RBBP4: variants seen among roughly 807,000 people sequenced by gnomAD.
RBBP4 encodes RB binding protein 4, chromatin remodeling factor.
Under a neutral mutation model 57.2 loss-of-function variants are expected in RBBP4, and 3 were observed. That is an observed-to-expected ratio of 0.05 (90% confidence interval 0.02 to 0.14). The LOEUF (loss-of-function observed/expected upper bound fraction) is 0.14. Ranked by LOEUF, RBBP4 falls within the 10% of genes least tolerant of loss-of-function variation. The probability of loss-of-function intolerance (pLI) is 1.00; values close to 1 mark genes in which losing one functional copy is unlikely to be tolerated. For synonymous variants in RBBP4, 151 were observed against 171.5 expected (o/e 0.88, Z 0.93); for missense variants, 107 against 520.6 (o/e 0.21, Z 7.73).
chr1:32,665,841 C>T (rs1170614476), intron 3 of RBBP4, among the ~76,000 whole-genome samples: 1 of 152,092 alleles, frequency 6.6e-6, no homozygotes, highest in Non-Finnish European at 1.5e-5. Context: ...GTGACAGAGC[C>T]ACTTAGGGGC....
Position 32,684,066 on chromosome 1 carries a change from A to G in RBBP4, c.*4361A>G, listed in dbSNP as rs769743641. 1.5e-5 allele frequency: 25 copies of G among 1,614,010 alleles called. No homozygotes were observed. Among genetic ancestry groups the G allele is most frequent in the Non-Finnish European group, 1.9e-5 (23 of 1,180,046 alleles). ...AGAAGTGGGAGCATCAGCCTGTTCC[A>G]GGCTCTTGGGTAGTAGCATAGCCCT... On this transcript the variant is annotated 3_prime_UTR_variant, in exon 12 of 12. Transcript: ENST00000373493.
intron 3 of RBBP4, among the ~76,000 whole-genome samples, chr1:32,663,259 A>G (rs1029603505): frequency 6.6e-6 from 1 of 152,150 alleles, no homozygotes; most frequent in Non-Finnish European, 1.5e-5. Context: ...TCATCAAGCT[A>G]CGACGATTTG....
At chr1:32,673,034 A>C in intron 11 of RBBP4, 133 bp downstream of exon 11, 3 of 727,628 alleles carry the variant, frequency 4.1e-6, no homozygotes, top group Non-Finnish European at 6.7e-6. Flanking sequence ...AGACTTGTCT[A>C]TACATTATCA....
chr1:32,684,457 A>G lies in RBBP4; in HGVS notation c.*4752A>G. 6.3e-7 allele frequency: 1 copy of G among 1,599,320 alleles called. No individual in the cohort carries two copies. Among genetic ancestry groups the G allele is most frequent in the Non-Finnish European group, 8.5e-7 (1 of 1,172,212 alleles). On this transcript the variant is annotated 3_prime_UTR_variant, in exon 12 of 12. Transcript: ENST00000373493. ...CACATTGTCCACTCTTACTTATAAAACACTTTTTTGTTCATTGTTTAATCT... is the reference window on the plus strand; with the variant it reads ...CACATTGTCCACTCTTACTTATAAAGCACTTTTTTGTTCATTGTTTAATCT...
At position 32,684,136 on chromosome 1, in the gene RBBP4, A is replaced by G; in HGVS notation, c.*4431A>G. On this transcript the variant is annotated 3_prime_UTR_variant, in exon 12 of 12. Coordinates refer to ENST00000373493, the MANE Select transcript of RBBP4 (RefSeq NM_005610.3). ...TTCCATGTGTTTTTGGATAAGCACA[A>G]TTTGAAAATCATTTCCCAAATCCTC... 3 of 1,607,706 alleles carry G rather than the reference A, an allele frequency of 1.9e-6. No individual in the cohort carries two copies. The highest frequency in any genetic ancestry group is 2.5e-6 in the Non-Finnish European group (3 of 1,176,712).
chr1:32,657,093 T>C lies in RBBP4; in HGVS notation c.165-334T>C, dbSNP rs554671900. 3.9e-5 allele frequency among the ~76,000 whole-genome samples: 6 copies of C among 152,152 alleles called. No homozygotes were observed. The East Asian group carries it at 7.8e-4, about 20-fold the overall frequency. The stretch of plus-strand genomic sequence containing the variant: ...GCGTTCGAGACCAGCCTGGCCAACA[T>C]GGTGAAATCCCGTCTCTACTAAAAA... On this transcript the variant is annotated intron_variant, in intron 2 of 11. Coordinates refer to ENST00000373493, the MANE Select transcript of RBBP4 (RefSeq NM_005610.3).
chr1:32,661,145 T>G (rs1456387114), intron 3 of RBBP4, among the ~76,000 whole-genome samples: 1 of 152,208 alleles, frequency 6.6e-6, no homozygotes, highest in Non-Finnish European at 1.5e-5. Flanking sequence ...CAACCATTGA[T>G]GGACACTTGG....
At position 32,683,192 on chromosome 1, in the gene RBBP4, G is replaced by A. The variant is rs1267767293; in HGVS notation, c.*3487G>A. 6.6e-6 allele frequency: 1 copy of A among 150,562 alleles called. No individual in the cohort carries two copies. Among genetic ancestry groups the A allele is most frequent in the Non-Finnish European group, 1.5e-5 (1 of 67,896 alleles). The allele number at this position is 150,562 out of a possible 1,614,324, so 9.3% of individuals were successfully genotyped here. On this transcript the variant is annotated 3_prime_UTR_variant, in exon 12 of 12. Coordinates refer to ENST00000373493, the MANE Select transcript of RBBP4 (RefSeq NM_005610.3). ...AGCTACTTGGGAGGCTGAGGCAGGG[G>A]AATCGCTTGAACCCGGGAGGCAGAG...
chr1:32,667,416 T>G, intron 3 of RBBP4, among the ~76,000 whole-genome samples: 1 of 152,154 alleles, frequency 6.6e-6, no homozygotes, highest in East Asian at 1.9e-4. Context: ...TTGCTTGACC[T>G]TATCAATCAC....
In RBBP4 at chr1:32,683,670, G is replaced by A. The variant is rs897181276; in HGVS notation, c.*3965G>A. 1 of 188,756 alleles carries A rather than the reference G, an allele frequency of 5.3e-6. No individual in the cohort carries two copies. The highest frequency in any genetic ancestry group is 5.8e-5 in the Admixed American group (1 of 17,336). The allele number at this position is 188,756 out of a possible 1,614,324, so 11.7% of individuals were successfully genotyped here. On this transcript the variant is annotated 3_prime_UTR_variant, in exon 12 of 12. Coordinates refer to ENST00000373493, the MANE Select transcript of RBBP4 (RefSeq NM_005610.3). ...TTTTGTTTTGAGGCAGTCTCACTCTGTTGTACAAGCTGGAGTGCTGTATTG... is the reference window on the plus strand; with the variant it reads ...TTTTGTTTTGAGGCAGTCTCACTCTATTGTACAAGCTGGAGTGCTGTATTG...
At chr1:32,673,635 A>C (rs1411330140) in intron 11 of RBBP4, 1 of 258,754 alleles carries the variant, frequency 3.9e-6, no homozygotes. Context: ...AGACGGTTTC[A>C]CTATGTTGGC....
intron 1 of RBBP4, 92 bp downstream of exon 1, chr1:32,651,414 T>C (rs1647616228): frequency 5.8e-6 from 8 of 1,382,830 alleles, no homozygotes; most frequent in Non-Finnish European, 7.5e-6. Context: ...AGGCCCGAGT[T>C]TGCCGAGTGC....
intron 3 of RBBP4, among the ~76,000 whole-genome samples, chr1:32,659,922 A>G (rs191085281): frequency 2.7e-4 from 41 of 152,318 alleles, no homozygotes; most frequent in Admixed American, 2.6e-3. Context: ...ATGTTGTATC[A>G]AAGGGCAGGA....
chr1:32,669,890 CAA>C lies in RBBP4; in HGVS notation c.966+335_966+336del, dbSNP rs68153136. Among the ~76,000 whole-genome samples the C allele has an allele frequency of 6.7e-6, 1 of 148,878 alleles. No homozygotes were observed. Among genetic ancestry groups the C allele is most frequent in the Non-Finnish European group, 1.5e-5 (1 of 67,948 alleles). On this transcript the variant is annotated intron_variant, in intron 8 of 11. Transcript: ENST00000373493. This position sits in a 1 kb window ranked among gnomAD's most constrained non-coding sequence, Gnocchi z 4.9. ...TGGGCGACAGAACGAGAGTCCGTCT[CAA>C]AAAAAAAGAAAAAAGAAAAACCTGG...
chr1:32,663,263 C>T (rs1006735716), intron 3 of RBBP4, among the ~76,000 whole-genome samples: 10 of 151,964 alleles, frequency 6.6e-5, no homozygotes, highest in East Asian at 1.9e-4. Context: ...CAAGCTACGA[C>T]GATTTGTGCA....
chr1:32,665,345 T>C (rs557471898), intron 3 of RBBP4, among the ~76,000 whole-genome samples: 217 of 152,318 alleles, frequency 1.4e-3, no homozygotes, highest in African/African-American at 4.7e-3. Context: ...ATACCACCCA[T>C]GTATATCTTT....
rs1557865927 is a variant in RBBP4, at chr1:32,682,475, A to G, written c.*2770A>G. On this transcript the variant is annotated 3_prime_UTR_variant, in exon 12 of 12. Transcript: ENST00000373493. ...AAATCCTAGAAAATTAGAAAAAGCA[A>G]CAATAGTTACTTGTGGGCCAGGCGC... 1 of 152,238 alleles carries G rather than the reference A, an allele frequency of 6.6e-6. No homozygotes were observed. Among genetic ancestry groups the G allele is most frequent in the Admixed American group, 6.5e-5 (1 of 15,272 alleles). The allele number at this position is 152,238 out of a possible 1,614,324, so 9.4% of individuals were successfully genotyped here. A position where few individuals can be genotyped will look rare whatever the true frequency, so the allele number is the denominator to read the frequency against.
At chr1:32,674,315 C>T in intron 11 of RBBP4, among the ~76,000 whole-genome samples, 1 of 7,208 alleles carries the variant, frequency 1.4e-4, no homozygotes, top group Admixed American at 2.2e-3. Flanking sequence ...CTCACTGCAG[C>T]CTCCAATTCC....
chr1:32,652,216 C>G (rs1647784951), intron 2 of RBBP4, 155 bp downstream of exon 2: 2 of 871,396 alleles, frequency 2.3e-6, no homozygotes, highest in Non-Finnish European at 3.4e-6. Context: ...GGCAAAATAA[C>G]AAAATGATTT....
Sources: allele counts gnomAD v4.1 joint callset (sites outside exome capture counted in the v4.1 genomes callset), GRCh38; gene constraint gnomAD v4.1.1; non-coding constraint Gnocchi (gnomAD v3.1); transcripts MANE v1.5; gene names NCBI Gene and HGNC (gene_info 2026-07-23, HGNC 2026-07-21).